The following PLAGL1 variants were observed in gnomAD, a reference collection of about 807,000 sequenced individuals.
The protein encoded by PLAGL1 is PLAG1 like zinc finger 1.
Under a neutral mutation model 4.6 loss-of-function variants are expected in PLAGL1, and 1 was observed. The ratio of observed to expected loss-of-function variants is 0.22; its 90% CI spans 0.08 to 1.03. The LOEUF is 1.03. Ranked by LOEUF, PLAGL1 falls within the 50% of genes least tolerant of loss-of-function variation. The pLI, the probability that PLAGL1 is intolerant of heterozygous loss-of-function variation, is 0.58. For missense variants in PLAGL1, 464 were observed against 570.4 expected (o/e 0.81, Z 1.90); for synonymous variants, 240 against 237.8 (o/e 1.01, Z -0.08).
At position 143,947,758 on chromosome 6, in the gene PLAGL1, T is replaced by A. The variant is rs1780089442; in HGVS notation, c.152+227A>T. 6.6e-6 allele frequency among the ~76,000 whole-genome samples: 1 copy of A among 152,184 alleles called. No homozygotes were observed. The highest frequency in any genetic ancestry group is 1.5e-5 in the Non-Finnish European group (1 of 68,034). On this transcript the variant is annotated intron_variant, in intron 7 of 7. Coordinates refer to ENST00000674357, the MANE Select transcript of PLAGL1 (RefSeq NM_001317162.2). The surrounding 1 kb of genome is among the most constrained non-coding windows in gnomAD (Gnocchi z 4.3). ...TCCAGCCATGGGGAGAGGCCTGGTA[T>A]ATTGTAGGTGCATAAAAAATCTCTG...
chr6:144,003,158 A>G (rs377134263), intron 1 of PLAGL1, among the ~76,000 whole-genome samples: 53 of 152,332 alleles, frequency 3.5e-4, no homozygotes, highest in African/African-American at 1.2e-3. Flanking sequence ...TTCAATGGGA[A>G]AAGAAAGGTG....
At position 143,953,079 on chromosome 6, in the gene PLAGL1, T is replaced by C. The variant is rs1233322919; in HGVS notation, c.-324-4619A>G. Among the ~76,000 whole-genome samples, 1 of 152,196 alleles carries C rather than the reference T, an allele frequency of 6.6e-6. No individual in the cohort carries two copies. The highest frequency in any genetic ancestry group is 1.5e-5 in the Non-Finnish European group (1 of 68,028). ...TCTCTCACGCTTCTGGCTTTCTCCCTCCTGGAATGTCCTGGGAACCCTTGT... is the reference window on the plus strand; with the variant it reads ...TCTCTCACGCTTCTGGCTTTCTCCCCCCTGGAATGTCCTGGGAACCCTTGT... On this transcript the variant is annotated intron_variant, in intron 6 of 7. Transcript: ENST00000674357. This position sits in a 1 kb window ranked among gnomAD's most constrained non-coding sequence, Gnocchi z 5.3.
chr6:143,993,080 G>A (rs1191960758), intron 1 of PLAGL1, among the ~76,000 whole-genome samples: 3 of 151,296 alleles, frequency 2.0e-5, no homozygotes, highest in Non-Finnish European at 2.9e-5. Flanking sequence ...AGGCCAAGGC[G>A]GGAGGATCAT....
chr6:143,954,731 C>T lies in PLAGL1; in HGVS notation c.-325+5738G>A, dbSNP rs190236679. 9.2e-5 allele frequency among the ~76,000 whole-genome samples: 14 copies of T among 152,040 alleles called. No homozygotes were observed. The highest frequency in any genetic ancestry group is 3.9e-4 in the East Asian group (2 of 5,180). On this transcript the variant is annotated intron_variant, in intron 6 of 7. Coordinates refer to ENST00000674357, the MANE Select transcript of PLAGL1 (RefSeq NM_001317162.2). The surrounding 1 kb of genome is among the most constrained non-coding windows in gnomAD (Gnocchi z 5.1). The stretch of plus-strand genomic sequence containing the variant: ...CATGTATTAGAAGTCATGGATAATA[C>T]GATACAGTAAGACAATAAACTAATG...
At position 143,959,292 on chromosome 6, in the gene PLAGL1, C is replaced by A. The variant is rs530659971; in HGVS notation, c.-325+1177G>T. 1.3e-5 allele frequency among the ~76,000 whole-genome samples: 2 copies of A among 152,244 alleles called. No individual in the cohort carries two copies. Among genetic ancestry groups the A allele is most frequent in the East Asian group, 1.9e-4 (1 of 5,176 alleles). ...CAGACAAGGCCTGCTGTGTTAGCCA[C>A]ACCCCACCTGTTCGCAGCCCATGGA... On this transcript the variant is annotated intron_variant, in intron 6 of 7. Coordinates refer to ENST00000674357, the MANE Select transcript of PLAGL1 (RefSeq NM_001317162.2). The surrounding 1 kb of genome is among the most constrained non-coding windows in gnomAD (Gnocchi z 5.3).
rs1199744313 is a variant in PLAGL1, at chr6:143,948,894, T to C, written c.-324-434A>G. Among the ~76,000 whole-genome samples the C allele has an allele frequency of 6.6e-6, 1 of 152,246 alleles. No homozygotes were observed. Among genetic ancestry groups the C allele is most frequent in the African/African-American group, 2.4e-5 (1 of 41,462 alleles). ...ACCACGGGCTCTTCCTCATCACTCA[T>C]TGTTGGCATAACATTAGTTGCTTAT... On this transcript the variant is annotated intron_variant, in intron 6 of 7. Coordinates refer to ENST00000674357, the MANE Select transcript of PLAGL1 (RefSeq NM_001317162.2). This position sits in a 1 kb window ranked among gnomAD's most constrained non-coding sequence, Gnocchi z 6.0.
chr6:143,968,012 A>AAAC lies in PLAGL1; in HGVS notation c.-472+894_-472+895insGTT, dbSNP rs977265548. 1 of 151,482 alleles carries AAAC rather than the reference A, an allele frequency of 6.6e-6. No individual in the cohort carries two copies. Among genetic ancestry groups the AAAC allele is most frequent in the Non-Finnish European group, 1.5e-5 (1 of 67,808 alleles). 9.4% of individuals were successfully genotyped at this position (151,482 alleles called of 1,614,324 possible). On this transcript the variant is annotated intron_variant, in intron 3 of 7. Transcript: ENST00000674357. This position sits in a 1 kb window ranked among gnomAD's most constrained non-coding sequence, Gnocchi z 6.3. ...GGACATTTTGCAAAAAAAAAAAAAAAAAAAAACAGTCTGGAGAGAGGCCAA... is the reference window on the plus strand; with the variant it reads ...GGACATTTTGCAAAAAAAAAAAAAAAAACAAAAAACAGTCTGGAGAGAGGCCAA...
rs1791897416 is a variant in PLAGL1, at chr6:143,997,477, C to G, written c.-584+10613G>C. Among the ~76,000 whole-genome samples, 1 of 152,204 alleles carries G rather than the reference C, an allele frequency of 6.6e-6. No individual in the cohort carries two copies. The highest frequency in any genetic ancestry group is 1.5e-5 in the Non-Finnish European group (1 of 68,032). The stretch of plus-strand genomic sequence containing the variant: ...CTACCTATTGATAGATGCATCAACA[C>G]AGATGACTCTAAAAAATTTACGCTG... On this transcript the variant is annotated intron_variant, in intron 1 of 7. Transcript: ENST00000674357. This position sits in a 1 kb window ranked among gnomAD's most constrained non-coding sequence, Gnocchi z 4.6.
rs1780513115 is a variant in PLAGL1, at chr6:143,949,353, G to A, written c.-324-893C>T. Among the ~76,000 whole-genome samples the A allele has an allele frequency of 6.6e-6, 1 of 152,180 alleles. No individual in the cohort carries two copies. The highest frequency in any genetic ancestry group is 2.4e-5 in the African/African-American group (1 of 41,448). The stretch of plus-strand genomic sequence containing the variant: ...TTCTACCAATTGGCCATCATTGGAG[G>A]AACCTGAAGTGTCTGAGCCTGCATC... On this transcript the variant is annotated intron_variant, in intron 6 of 7. Transcript: ENST00000674357. This position sits in a 1 kb window ranked among gnomAD's most constrained non-coding sequence, Gnocchi z 5.3.
At chr6:144,057,611 C>G (rs970754061) in intron 1 of PLAGL1, among the ~76,000 whole-genome samples, 1 of 152,160 alleles carries the variant, frequency 6.6e-6, no homozygotes, top group African/African-American at 2.4e-5. Flanking sequence ...ATGCTACATT[C>G]CCTTCAATCT....
rs1554244377 is a variant in PLAGL1, at chr6:143,940,607, A to ATATT, written c.*813_*816dup. ...AAGAAAATTCTTGTTTAATATATAT[A>ATATT]TATTTTTAATTCCAGTAATATTTTC... On this transcript the variant is annotated 3_prime_UTR_variant, in exon 8 of 8. Transcript: ENST00000674357. 6 of 152,400 alleles carry ATATT rather than the reference A, an allele frequency of 3.9e-5. No individual in the cohort carries two copies. The highest frequency in any genetic ancestry group is 1.4e-4 in the African/African-American group (6 of 41,452). The allele number at this position is 152,400 out of a possible 1,614,324, so 9.4% of individuals were successfully genotyped here. A position where few individuals can be genotyped will look rare whatever the true frequency, so the allele number is the denominator to read the frequency against.
intron 1 of PLAGL1, among the ~76,000 whole-genome samples, chr6:144,018,370 G>A (rs547598844): frequency 6.6e-6 from 1 of 152,146 alleles, no homozygotes; most frequent in Admixed American, 6.5e-5. Context: ...TGGTTACCAG[G>A]GGCTGGCGGG....
rs1158096009 is a variant in PLAGL1 at position 143,979,143 on chromosome 6, G to A, written c.-544+5992C>T. On this transcript the variant is annotated intron_variant, in intron 2 of 7. Coordinates refer to ENST00000674357, the MANE Select transcript of PLAGL1 (RefSeq NM_001317162.2). This position sits in a 1 kb window ranked among gnomAD's most constrained non-coding sequence, Gnocchi z 4.6. ...GCTAAAAATGATATTTTTTTCATCCGTTAGCTTATAATCTATTTGTGTCTT... is the reference window on the plus strand; with the variant it reads ...GCTAAAAATGATATTTTTTTCATCCATTAGCTTATAATCTATTTGTGTCTT... Among the ~76,000 whole-genome samples, 3 of 151,932 alleles carry A rather than the reference G, an allele frequency of 2.0e-5. No individual in the cohort carries two copies.
rs1488704276 is a variant in PLAGL1 at position 144,048,343 on chromosome 6, G to T, written c.-151+16125C>A. The stretch of plus-strand genomic sequence containing the variant: ...CACAGCTCCATTAGGCAGTGCCCCA[G>T]TGGGGACTCTGTGTGGGGGCTCCAA... On this transcript the variant is annotated intron_variant, in intron 1 of 3. Transcript: ENST00000437412. The surrounding 1 kb of genome is among the most constrained non-coding windows in gnomAD (Gnocchi z 4.8). 2.0e-5 allele frequency among the ~76,000 whole-genome samples: 3 copies of T among 152,200 alleles called. No individual in the cohort carries two copies. Among genetic ancestry groups the T allele is most frequent in the African/African-American group, 7.2e-5 (3 of 41,448 alleles).
At position 144,036,091 on chromosome 6, in the gene PLAGL1, C is replaced by A. The variant is rs1463700223; in HGVS notation, c.-151+28377G>T. Among the ~76,000 whole-genome samples, 1 of 152,098 alleles carries A rather than the reference C, an allele frequency of 6.6e-6. No individual in the cohort carries two copies. Among genetic ancestry groups the A allele is most frequent in the East Asian group, 1.9e-4 (1 of 5,198 alleles). ...CCCAAGAAAGTGCTTCAAGGACACC[C>A]CAGGTGGACCCAGAGGGCAGCTACA... On this transcript the variant is annotated intron_variant, in intron 1 of 3. Coordinates refer to the PLAGL1 transcript ENST00000437412. This position sits in a 1 kb window ranked among gnomAD's most constrained non-coding sequence, Gnocchi z 5.1.
chr6:144,062,435 T>C (rs540558472), intron 1 of PLAGL1, among the ~76,000 whole-genome samples: 132 of 131,674 alleles, frequency 1.0e-3, no homozygotes, highest in African/African-American at 3.7e-3. Flanking sequence ...ATTTTTAGAT[T>C]ATCAGCACAT....
rs1356434999 is a variant in PLAGL1, at chr6:143,972,363, T to A, written c.-543-3385A>T. On this transcript the variant is annotated intron_variant, in intron 2 of 7. Coordinates refer to ENST00000674357, the MANE Select transcript of PLAGL1 (RefSeq NM_001317162.2). This position sits in a 1 kb window ranked among gnomAD's most constrained non-coding sequence, Gnocchi z 6.8. ...GGCTGGGGGCCAAAGGAAGAAGCCA[T>A]AAATTCTTCCTGGGAAATCAAGCAA... 6.6e-6 allele frequency among the ~76,000 whole-genome samples: 1 copy of A among 152,204 alleles called. No homozygotes were observed. Among genetic ancestry groups the A allele is most frequent in the Non-Finnish European group, 1.5e-5 (1 of 68,040 alleles).
In PLAGL1 at chr6:143,994,579, T is replaced by C. The variant is rs1048463380; in HGVS notation, c.-583-9405A>G. 2.6e-5 allele frequency among the ~76,000 whole-genome samples: 4 copies of C among 152,174 alleles called. No homozygotes were observed. Among genetic ancestry groups the C allele is most frequent in the Non-Finnish European group, 4.4e-5 (3 of 68,016 alleles). Reference sequence around the variant, plus strand: ...AAACTAATGGCATTATAAATACTACTATTATTCGCAAAAAAATGTATGGAA... The same window carrying C: ...AAACTAATGGCATTATAAATACTACCATTATTCGCAAAAAAATGTATGGAA... On this transcript the variant is annotated intron_variant, in intron 1 of 7. Coordinates refer to ENST00000674357, the MANE Select transcript of PLAGL1 (RefSeq NM_001317162.2). The surrounding 1 kb of genome is among the most constrained non-coding windows in gnomAD (Gnocchi z 4.3).
At chr6:144,032,762 A>T (rs781509564) in intron 1 of PLAGL1, among the ~76,000 whole-genome samples, 77 of 151,890 alleles carry the variant, frequency 5.1e-4, no homozygotes, top group Admixed American at 9.8e-4. Flanking sequence ...GGGTTTCACC[A>T]TGTTGGCCAG....
Sources: allele counts gnomAD v4.1 joint callset (sites outside exome capture counted in the v4.1 genomes callset), GRCh38; gene constraint gnomAD v4.1.1; non-coding constraint Gnocchi (gnomAD v3.1); transcripts MANE v1.5; gene names NCBI Gene and HGNC (gene_info 2026-07-23, HGNC 2026-07-21).